SPIN1: variants seen among roughly 807,000 people sequenced by gnomAD.
SPIN1 encodes spindlin 1, also known as spindlin-1.
In SPIN1, 3 loss-of-function variants were observed where a neutral mutation model predicts 26.0. That is an observed-to-expected ratio of 0.12 (90% CI 0.05 to 0.30). The LOEUF is 0.30. Among genes scored for constraint, SPIN1 ranks in the 10% least tolerant of loss-of-function variants. SPIN1 has a pLI of 1.00. For missense variants in SPIN1, 126 were observed against 333.4 expected (o/e 0.38, Z 4.84); for synonymous variants, 101 against 116.5 (o/e 0.87, Z 0.86).
chr9:88,415,151 G>A (rs367751216), intron 1 of SPIN1, among the ~76,000 whole-genome samples: 12 of 152,128 alleles, frequency 7.9e-5, no homozygotes, highest in African/African-American at 2.4e-4. Context: ...TGATCCGCCC[G>A]CCTCAGCCTC....
intron 3 of SPIN1, among the ~76,000 whole-genome samples, chr9:88,451,271 A>G (rs11142304): frequency 0.18 from 28,121 of 152,032 alleles, 3,363 homozygotes; most frequent in African/African-American, 0.34. Flanking sequence ...GGTGCCCGAG[A>G]AAGAACCTCT....
chr9:88,428,695 T>TA (rs1827806759), intron 2 of SPIN1, among the ~76,000 whole-genome samples: 1 of 152,184 alleles, frequency 6.6e-6, no homozygotes, highest in Non-Finnish European at 1.5e-5. Flanking sequence ...ACTTTGATCT[T>TA]ACATTTTCTT....
In SPIN1 at chr9:88,476,179, T is replaced by C. The variant is rs984130526; in HGVS notation, c.*902T>C. 7.2e-5 allele frequency: 11 copies of C among 152,152 alleles called. No homozygotes were observed. Among genetic ancestry groups the C allele is most frequent in the African/African-American group, 2.4e-4 (10 of 41,434 alleles). 9.4% of individuals were successfully genotyped at this position (152,152 alleles called of 1,614,324 possible). A position where few individuals can be genotyped will look rare whatever the true frequency, so the allele number is the denominator to read the frequency against. ...GTAGGTGTATTTTGGACAGCACATA[T>C]GGTCCATTGTGTACAAGTCAGTAAT... is the stretch of plus-strand genomic sequence containing the variant. On this transcript the variant is annotated 3_prime_UTR_variant, in exon 6 of 6. Transcript: ENST00000375859.
At chr9:88,438,369 C>T (rs999165484) in intron 2 of SPIN1, among the ~76,000 whole-genome samples, 1 of 152,116 alleles carries the variant, frequency 6.6e-6, no homozygotes. Context: ...AGCCATCTCT[C>T]TGTTACTGAT....
intron 1 of SPIN1, among the ~76,000 whole-genome samples, chr9:88,402,564 G>A (rs1587773772): frequency 7.8e-6 from 1 of 127,846 alleles, no homozygotes; most frequent in African/African-American, 3.0e-5. Flanking sequence ...TGTGTTATTT[G>A]TCCTTCTATG....
Position 88,426,383 on chromosome 9 carries a change from G to A in SPIN1, c.-157G>A. 1.7e-6 allele frequency: 1 copy of A among 575,416 alleles called. No individual in the cohort carries two copies. Among genetic ancestry groups the A allele is most frequent in the Non-Finnish European group, 3.2e-6 (1 of 315,420 alleles). 35.6% of individuals were successfully genotyped at this position (575,416 alleles called of 1,614,324 possible). ...ATGAACTGTTTCACTATTTTACAGAGTGCTTGTGATTTCACGTATTTTTGC... is the reference window on the plus strand; with the variant it reads ...ATGAACTGTTTCACTATTTTACAGAATGCTTGTGATTTCACGTATTTTTGC... On this transcript the variant is annotated splice_region_variant and 5_prime_UTR_variant, in exon 2 of 6. In the 5' UTR this introduces an upstream ATG that the reference lacks. Transcript: ENST00000375859.
chr9:88,457,811 T>C, intron 3 of SPIN1: 1 of 978,414 alleles, frequency 1.0e-6, no homozygotes, highest in Non-Finnish European at 1.2e-6. Context: ...AAAGACAGAA[T>C]ATACATGAGA....
chr9:88,439,372 C>G (rs1031153086), intron 2 of SPIN1, among the ~76,000 whole-genome samples: 1 of 152,178 alleles, frequency 6.6e-6, no homozygotes, highest in Non-Finnish European at 1.5e-5. Context: ...CCTTTGCTTT[C>G]TGATACTTCA....
chr9:88,474,377 T>A (rs564289614), intron 5 of SPIN1, among the ~76,000 whole-genome samples: 1 of 152,344 alleles, frequency 6.6e-6, no homozygotes, highest in South Asian at 2.1e-4. Flanking sequence ...AGTACATTAA[T>A]CTTGGGGACC....
intron 1 of SPIN1, among the ~76,000 whole-genome samples, chr9:88,425,673 C>CA (rs370111864): frequency 0.016 from 1,576 of 99,102 alleles, 20 homozygotes; most frequent in East Asian, 0.052. Flanking sequence ...GACTCTGTCT[C>CA]AAAAAAAAAA....
chr9:88,448,364 T>C (rs1009749223), intron 2 of SPIN1, among the ~76,000 whole-genome samples: 7 of 151,956 alleles, frequency 4.6e-5, no homozygotes, highest in Admixed American at 2.6e-4. Context: ...GTTTTTTTTG[T>C]TTTTTGAGAC....
At chr9:88,401,679 A>G (rs573946275) in intron 1 of SPIN1, among the ~76,000 whole-genome samples, 1 of 152,342 alleles carries the variant, frequency 6.6e-6, no homozygotes, top group South Asian at 2.1e-4. Context: ...AATGTTGAAA[A>G]TCTGAGGTTA....
intron 1 of SPIN1, among the ~76,000 whole-genome samples, chr9:88,400,284 G>A (rs1827159270): frequency 1.3e-5 from 2 of 152,180 alleles, no homozygotes; most frequent in Non-Finnish European, 2.9e-5. Flanking sequence ...TGTATAGTCA[G>A]GAGCCTGGAG....
intron 3 of SPIN1, among the ~76,000 whole-genome samples, chr9:88,456,816 T>C (rs945556965): frequency 2.6e-5 from 4 of 152,068 alleles, no homozygotes; most frequent in African/African-American, 9.7e-5. Context: ...GGAATCACCA[T>C]GTATGTGTAG....
At chr9:88,410,315 G>T (rs1188188854) in intron 1 of SPIN1, among the ~76,000 whole-genome samples, 3 of 151,942 alleles carry the variant, frequency 2.0e-5, no homozygotes, top group South Asian at 2.1e-4. Flanking sequence ...TTAAACAAAA[G>T]AACAGAAACT....
chr9:88,460,408 C>G (rs554640171), intron 3 of SPIN1, among the ~76,000 whole-genome samples: 1 of 152,244 alleles, frequency 6.6e-6, no homozygotes, highest in Non-Finnish European at 1.5e-5. Flanking sequence ...GATCTCATTT[C>G]TCATCTTTTC....
chr9:88,415,196 G>A (rs768206581), intron 1 of SPIN1, among the ~76,000 whole-genome samples: 7 of 152,122 alleles, frequency 4.6e-5, no homozygotes, highest in African/African-American at 4.8e-5. Flanking sequence ...GAACCACTGC[G>A]CCTGGCCTAA....
intron 1 of SPIN1, among the ~76,000 whole-genome samples, chr9:88,395,572 T>C (rs940538126): frequency 6.6e-6 from 1 of 152,104 alleles, no homozygotes; most frequent in Admixed American, 6.6e-5. Context: ...TAAACACATT[T>C]GTAGTTTTGT....
At chr9:88,456,974 A>G (rs535589504) in intron 3 of SPIN1, among the ~76,000 whole-genome samples, 19 of 152,250 alleles carry the variant, frequency 1.2e-4, no homozygotes, top group African/African-American at 4.3e-4. Flanking sequence ...AAGATATTCA[A>G]TAGGCTGAAA....
Sources: allele counts gnomAD v4.1 joint callset (sites outside exome capture counted in the v4.1 genomes callset), GRCh38; gene constraint gnomAD v4.1.1; transcripts MANE v1.5; gene names NCBI Gene and HGNC (gene_info 2026-07-23, HGNC 2026-07-21).